The following ARSL variants were observed in gnomAD, a reference collection of about 807,000 sequenced individuals.
The protein encoded by ARSL is arylsulfatase L, also known as arylsulfatase E (chondrodysplasia punctata 1).
Under a neutral mutation model 31.1 loss-of-function variants are expected in ARSL, and 4 were observed. That is an observed-to-expected ratio of 0.13 (90% CI 0.06 to 0.29). The LOEUF (loss-of-function observed/expected upper bound fraction) is 0.29, where lower values mean the gene tolerates loss of function less well. ARSL is among the 10% of genes least tolerant of loss of function. ARSL has a pLI of 1.00. For missense variants in ARSL, 312 were observed against 497.8 expected (o/e 0.63, Z 3.55); for synonymous variants, 198 against 209.9 (o/e 0.94, Z 0.49).
intron 2 of ARSL, among the ~76,000 whole-genome samples, chrX:2,959,140 C>T (rs1199320305): frequency 2.7e-5 from 3 of 111,585 alleles, no homozygotes; most frequent in African/African-American, 9.8e-5. Context: ...GGAATGGAGG[C>T]TGGGGTTAGG....
Position 2,936,749 on chromosome X carries a change from T to C in ARSL, c.1404A>G (p.Gln468=). ...ERFLHAARWH[Q]RDRGTMWKVH... ...AGGGGCTCCCCTACTCACTGTCCCG[T>C]TGATGCCACCTGGCTGCGTGCAGAA... Residue 468 remains glutamine, a synonymous_variant, in exon 10 of 11, where the codon CAA becomes CAG. Transcript: ENST00000381134. The C allele has an allele frequency of 8.3e-7, 1 of 1,211,240 alleles. No homozygotes were observed. The highest frequency in any genetic ancestry group is 1.1e-6 in the Non-Finnish European group (1 of 895,275).
intron 2 of ARSL, chrX:2,959,873 T>C (rs1340585610): frequency 1.1e-5 from 4 of 356,865 alleles, no homozygotes; most frequent in South Asian, 1.1e-4. Context: ...TTGAGCAACA[T>C]GGTGAGACCC....
chrX:2,947,286 A>T (rs2089399340), intron 6 of ARSL, among the ~76,000 whole-genome samples: 1 of 112,569 alleles, frequency 8.9e-6, no homozygotes, highest in Admixed American at 9.5e-5. Context: ...GCAAAGTTAA[A>T]AGAACTGTAG....
At chrX:2,967,999 T>G (rs768082753), upstream of ARSL, 234 of 674,342 alleles carry the variant, frequency 3.5e-4, 1 homozygote, top group African/African-American at 1.9e-3. Flanking sequence ...CACTGATGAT[T>G]ATTATTATTT....
At chrX:2,948,067 G>A (rs1238386343) in intron 6 of ARSL, among the ~76,000 whole-genome samples, 1 of 112,445 alleles carries the variant, frequency 8.9e-6, no homozygotes, top group Non-Finnish European at 1.9e-5. Flanking sequence ...GTCGCAGTGA[G>A]CCAAGATTGC....
At chrX:2,949,124 T>C (rs755267061) in intron 6 of ARSL, among the ~76,000 whole-genome samples, 180 bp downstream of exon 6, 2 of 109,574 alleles carry the variant, frequency 1.8e-5, no homozygotes, top group East Asian at 5.8e-4. Flanking sequence ...AGAGACGGGG[T>C]TTCACCATGT....
In ARSL at chrX:2,962,775, G is replaced by T. The variant is rs758487039; in HGVS notation, c.-21+1449C>A. Reference sequence around the variant, plus strand: ...AATAAGCTAAAGGGAAAAGTCAAGCGGGGAACTGCTTAGGGCCTCTGCCTC... The same window carrying T: ...AATAAGCTAAAGGGAAAAGTCAAGCTGGGAACTGCTTAGGGCCTCTGCCTC... On this transcript the variant is annotated intron_variant, in intron 1 of 10. Coordinates refer to ENST00000381134, the MANE Select transcript of ARSL (RefSeq NM_000047.3). Among the ~76,000 whole-genome samples, 8 of 111,736 alleles carry T rather than the reference G, an allele frequency of 7.2e-5. No homozygotes were observed. The East Asian group carries it at 8.5e-4, about 12-fold the overall frequency.
intron 6 of ARSL, among the ~76,000 whole-genome samples, chrX:2,947,793 T>G (rs1369133557): frequency 8.9e-6 from 1 of 112,558 alleles, no homozygotes; most frequent in African/African-American, 3.2e-5. Context: ...TAATTGTCAA[T>G]GTCCTTTCTG....
At chrX:2,955,962 G>C (rs776756592) in intron 3 of ARSL, among the ~76,000 whole-genome samples, 1 of 112,538 alleles carries the variant, frequency 8.9e-6, no homozygotes, top group East Asian at 2.8e-4. Context: ...CTTGAGCTCA[G>C]GAGTTTGAAG....
At chrX:2,961,922 C>T (rs1219574670) in intron 1 of ARSL, among the ~76,000 whole-genome samples, 4 of 105,584 alleles carry the variant, frequency 3.8e-5, no homozygotes, top group African/African-American at 1.4e-4. Context: ...GCTCTGTTGC[C>T]CAGGCTGGAG....
At position 2,949,286 on chromosome X, in the gene ARSL, T is replaced by C. The variant is rs186149776; in HGVS notation, c.854+18A>G. 465 of 1,209,047 alleles carry C rather than the reference T, an allele frequency of 3.8e-4. No individual in the cohort carries two copies. The highest frequency in any genetic ancestry group is 2.5e-3 in the Middle Eastern group (11 of 4,334). Reference sequence around the variant, plus strand: ...CCAAAGCTGAGTGCTTGGAGGAAGCTGACCCTTTTCTGCTGACCTTTTGAG... The same window carrying C: ...CCAAAGCTGAGTGCTTGGAGGAAGCCGACCCTTTTCTGCTGACCTTTTGAG... On this transcript the variant is annotated intron_variant, in intron 6 of 10. Coordinates refer to ENST00000381134, the MANE Select transcript of ARSL (RefSeq NM_000047.3).
upstream of ARSL, among the ~76,000 whole-genome samples, chrX:2,967,983 GAT>G (rs2089711330): frequency 8.9e-6 from 1 of 112,093 alleles, no homozygotes; most frequent in Admixed American, 9.5e-5. Context: ...CTGTACTTGA[GAT>G]TTTCACTGAT....
chrX:2,957,146 G>A (rs1008986909), intron 3 of ARSL, among the ~76,000 whole-genome samples: 16 of 107,787 alleles, frequency 1.5e-4, no homozygotes, highest in Admixed American at 1.4e-3. Context: ...GCGTGGACCC[G>A]GGAGACGGAG....
intron 5 of ARSL, among the ~76,000 whole-genome samples, chrX:2,949,963 A>G (rs1265790174): frequency 1.8e-5 from 2 of 111,897 alleles, no homozygotes; most frequent in Non-Finnish European, 3.8e-5. Flanking sequence ...TGACAGGTGG[A>G]ACAAATTACT....
chrX:2,946,044 G>C lies in ARSL; in HGVS notation c.945C>G (p.Leu315=). ...CTACGTTGTCCCCATACAGCCCGTG[G>C]AGACTCTTCCCGAGGAAGTTCTCCA... ...ITMENFLGKS[L]HGLYGDNVEE... Residue 315 remains leucine, a synonymous_variant, in exon 7 of 11, where the codon CTC becomes CTG. Transcript: ENST00000381134. 8.3e-7 allele frequency: 1 copy of C among 1,211,220 alleles called. No individual in the cohort carries two copies. Among genetic ancestry groups the C allele is most frequent in the Non-Finnish European group, 1.1e-6 (1 of 895,221 alleles).
chrX:2,943,900 C>A (rs1238219969), intron 7 of ARSL, among the ~76,000 whole-genome samples: 3 of 110,863 alleles, frequency 2.7e-5, no homozygotes, highest in South Asian at 7.7e-4. Flanking sequence ...TCACAGTTGG[C>A]CGGGCACAGT....
chrX:2,935,078 G>T lies in ARSL; in HGVS notation c.1524C>A (p.His508Gln), dbSNP rs762734231. Residue 508 changes from histidine (H) to glutamine (Q), a missense_variant, in exon 11 of 11, where the codon CAC becomes CAA. His to Gln is a conservative substitution (Grantham distance 24). Coordinates refer to ENST00000381134, the MANE Select transcript of ARSL (RefSeq NM_000047.3). The stretch of plus-strand genomic sequence containing the variant: ...AGAGGTCAAAGAGCAAAGGTGGATC[G>T]TGGTGGACTACTTTTTCCCCAAAGC... ...CPCFGEKVVH[H>Q]DPPLLFDLSR... 9.1e-6 allele frequency: 11 copies of T among 1,209,592 alleles called. No homozygotes were observed. The highest frequency in any genetic ancestry group is 2.3e-4 in the Middle Eastern group (1 of 4,372).
chrX:2,949,339 G>T lies in ARSL; in HGVS notation c.819C>A (p.Pro273=). 8.3e-7 allele frequency: 1 copy of T among 1,211,619 alleles called. No homozygotes were observed. Among genetic ancestry groups the T allele is most frequent in the Middle Eastern group, 2.3e-4 (1 of 4,355 alleles). Residue 273 remains proline, a synonymous_variant, in exon 6 of 11, where the codon CCC becomes CCA. Coordinates refer to ENST00000381134, the MANE Select transcript of ARSL (RefSeq NM_000047.3). ...EQPMCFQRTT[P]LILQEVASFL... ...AGGACGCAACCTCCTGCAGAATAAG[G>T]GGTGTCGTTCTTTGGAAGCACATGG...
At chrX:2,937,028 C>T (rs1026352886) in intron 9 of ARSL, among the ~76,000 whole-genome samples, 165 bp from the exon 10 acceptor site, 8 of 112,083 alleles carry the variant, frequency 7.1e-5, no homozygotes, top group Admixed American at 6.6e-4. Flanking sequence ...CATGTGTGTG[C>T]ATTAGCACGC....
Sources: gnomAD v4.1 joint callset for allele counts (sites outside exome capture counted in the v4.1 genomes callset) on GRCh38, gnomAD v4.1.1 for gene constraint, MANE v1.5 for transcripts, NCBI Gene and HGNC (gene_info 2026-07-23, HGNC 2026-07-21) for gene names.